The following NRG1 variants were observed in gnomAD, a reference collection of about 807,000 sequenced individuals.
The protein encoded by NRG1 is pro-neuregulin-1, membrane-bound isoform.
Under a neutral mutation model 63.8 loss-of-function variants are expected in NRG1, and 18 were observed. That is an observed-to-expected ratio of 0.28 (90% CI 0.19 to 0.42). The LOEUF (loss-of-function observed/expected upper bound fraction) is 0.42, where lower values mean the gene tolerates loss of function less well. NRG1 is among the 10% of genes least tolerant of loss of function. The probability of loss-of-function intolerance (pLI) is 1.00; values close to 1 mark genes in which losing one functional copy is unlikely to be tolerated. For missense variants in NRG1, 762 were observed against 814.7 expected (o/e 0.94, Z 0.79); for synonymous variants, 302 against 301.3 (o/e 1.00, Z -0.02).
chr8:31,784,089 C>T lies in NRG1; in HGVS notation c.37+144658C>T, dbSNP rs537131902. ...GACTCAAATTCAGATATGCTGATTC[C>T]GGGGCTCATCCTGCTAATGACTGTG... On this transcript the variant is annotated intron_variant, in intron 1 of 10. Transcript: ENST00000519301. Among the ~76,000 whole-genome samples, 5 of 152,134 alleles carry T rather than the reference C, an allele frequency of 3.3e-5. 1 individual carries two copies. The highest frequency in any genetic ancestry group is 1.9e-4 in the East Asian group (1 of 5,174).
intron 1 of NRG1, among the ~76,000 whole-genome samples, chr8:32,138,297 G>A (rs189787567): frequency 2.6e-5 from 4 of 152,114 alleles, no homozygotes; most frequent in Non-Finnish European, 4.4e-5. Flanking sequence ...TGCTCTCTAT[G>A]AGGATCTGCA....
chr8:32,732,965 G>C (rs186337373), intron 6 of NRG1, among the ~76,000 whole-genome samples: 2 of 151,984 alleles, frequency 1.3e-5, no homozygotes, highest in Admixed American at 1.3e-4. Flanking sequence ...GCACCACCAT[G>C]CCCAGCTGAT....
chr8:31,813,069 G>A (rs774494751), intron 1 of NRG1, among the ~76,000 whole-genome samples: 8 of 152,038 alleles, frequency 5.3e-5, no homozygotes, highest in East Asian at 1.9e-4. Context: ...ACAGCTGCCC[G>A]TCATGGATAT....
At chr8:32,174,090 G>A (rs1372162157) in intron 1 of NRG1, among the ~76,000 whole-genome samples, 1 of 152,168 alleles carries the variant, frequency 6.6e-6, no homozygotes, top group Non-Finnish European at 1.5e-5. Context: ...ATAGTTGGAA[G>A]TAAAGCACTC....
intron 1 of NRG1, among the ~76,000 whole-genome samples, chr8:32,086,906 A>G (rs959857305): frequency 3.3e-5 from 5 of 152,188 alleles, no homozygotes; most frequent in African/African-American, 4.8e-5. Context: ...TTAAGATGAG[A>G]TATACCCTTT....
intron 1 of NRG1, among the ~76,000 whole-genome samples, chr8:32,480,735 G>C (rs1415691387): frequency 6.6e-6 from 1 of 152,142 alleles, no homozygotes; most frequent in Non-Finnish European, 1.5e-5. Flanking sequence ...AAGGCAAAGG[G>C]GGAGCCCACA....
At position 32,237,442 on chromosome 8, in the gene NRG1, A is replaced by G. The variant is rs143872865; in HGVS notation, c.38-358386A>G. Among the ~76,000 whole-genome samples the G allele has an allele frequency of 8.1e-4, 123 of 151,598 alleles. No individual in the cohort carries two copies. The Middle Eastern group carries it at 0.014, about 17-fold the overall frequency. On this transcript the variant is annotated intron_variant, in intron 1 of 10. Transcript: ENST00000519301. ...TTTATTACATTCTTTTACATCTCTT[A>G]CTTAACTACTTCTAATGCCTTTGCT...
At chr8:32,568,877 G>T (rs1295830423) in intron 1 of NRG1, among the ~76,000 whole-genome samples, 1 of 149,248 alleles carries the variant, frequency 6.7e-6, no homozygotes, top group African/African-American at 2.5e-5. Flanking sequence ...TTAGTACAGA[G>T]AAATAAAACA....
chr8:32,117,824 A>G (rs1832935283), intron 1 of NRG1, among the ~76,000 whole-genome samples: 1 of 152,120 alleles, frequency 6.6e-6, no homozygotes, highest in South Asian at 2.1e-4. Flanking sequence ...CCCAAAGTGT[A>G]TCCACAGATT....
chr8:32,064,196 A>G (rs373627881), intron 1 of NRG1, among the ~76,000 whole-genome samples: 4 of 152,112 alleles, frequency 2.6e-5, no homozygotes, highest in Non-Finnish European at 5.9e-5. Context: ...AACAAAAAGG[A>G]GAAGTCATCG....
chr8:32,354,757 C>CT lies in NRG1; in HGVS notation c.38-241065dup, dbSNP rs1288214028. On this transcript the variant is annotated intron_variant, in intron 1 of 10. Coordinates refer to the NRG1 transcript ENST00000519301. ...ATAAATAAATAAATAAATAAATGCA[C>CT]TTTTTTGTATATTGAGTTATATCTC... Among the ~76,000 whole-genome samples the CT allele has an allele frequency of 2.4e-4, 34 of 142,678 alleles. 2 individuals are homozygous for CT. Among genetic ancestry groups the CT allele is most frequent in the Admixed American group, 4.9e-4 (7 of 14,228 alleles). 93.6% of individuals were successfully genotyped at this position (142,678 alleles called of 152,430 possible). A position where few individuals can be genotyped will look rare whatever the true frequency, so the allele number is the denominator to read the frequency against.
intron 1 of NRG1, among the ~76,000 whole-genome samples, chr8:31,951,884 T>C (rs1340640115): frequency 3.9e-5 from 6 of 152,170 alleles, no homozygotes; most frequent in African/African-American, 1.4e-4. Context: ...ATATTCTTGG[T>C]TTACGTCAAG....
At chr8:32,144,922 G>A (rs952570400) in intron 1 of NRG1, among the ~76,000 whole-genome samples, 2 of 152,250 alleles carry the variant, frequency 1.3e-5, no homozygotes, top group South Asian at 4.1e-4. Context: ...AGAATATGAA[G>A]TTTGAGGGAA....
chr8:32,716,057 G>A (rs1183729816), intron 5 of NRG1, among the ~76,000 whole-genome samples: 1 of 152,148 alleles, frequency 6.6e-6, no homozygotes, highest in Admixed American at 6.5e-5. Context: ...CAACCAGCCT[G>A]TCATCTGTGA....
At chr8:32,406,921 T>A (rs1814070069) in intron 1 of NRG1, among the ~76,000 whole-genome samples, 1 of 152,154 alleles carries the variant, frequency 6.6e-6, no homozygotes, top group South Asian at 2.1e-4. Flanking sequence ...AATTCTATAA[T>A]AAAGAGAAGT....
intron 1 of NRG1, among the ~76,000 whole-genome samples, chr8:31,985,983 A>AAT (rs1489249022): frequency 5.5e-4 from 84 of 151,986 alleles, no homozygotes; most frequent in African/African-American, 1.9e-3. Flanking sequence ...CAACTCTTTT[A>AAT]GCAAATTGCA....
At chr8:31,832,356 C>G (rs34566591) in intron 1 of NRG1, among the ~76,000 whole-genome samples, 7,512 of 151,236 alleles carry the variant, frequency 0.05, 249 homozygotes, top group Admixed American at 0.11. Flanking sequence ...ACTCCCCATG[C>G]TCAGGTGATC....
chr8:32,467,771 T>C (rs1823255044), intron 1 of NRG1, among the ~76,000 whole-genome samples: 1 of 152,118 alleles, frequency 6.6e-6, no homozygotes, highest in African/African-American at 2.4e-5. Context: ...CAGCCAGAAC[T>C]GGTATGATGT....
At chr8:32,110,109 TTTGA>T (rs1473161554) in intron 1 of NRG1, among the ~76,000 whole-genome samples, 2 of 152,224 alleles carry the variant, frequency 1.3e-5, no homozygotes, top group Non-Finnish European at 2.9e-5. Flanking sequence ...ATGGTAGCTA[TTTGA>T]TTGTTAGTTT....
Sources: allele counts gnomAD v4.1 joint callset (sites outside exome capture counted in the v4.1 genomes callset), GRCh38; gene constraint gnomAD v4.1.1; transcripts MANE v1.5; gene names NCBI Gene and HGNC (gene_info 2026-07-23, HGNC 2026-07-21).